Variants in PRELID2 observed in about 807,000 individuals in gnomAD.
The protein encoded by PRELID2 is PRELI domain containing 2.
A neutral mutation model predicts 28.4 loss-of-function variants in PRELID2; 25 were observed. The ratio of observed to expected loss-of-function variants is 0.88; its 90% confidence interval spans 0.64 to 1.23. The LOEUF is 1.23. Among genes scored for constraint, PRELID2 ranks in the 50% most tolerant of loss-of-function variants. The pLI, the probability that PRELID2 is intolerant of heterozygous loss-of-function variation, is 0.00. For missense variants in PRELID2, 201 were observed against 214.4 expected, an observed-to-expected ratio of 0.94 and a Z score of 0.39; for synonymous variants, 76 against 71.6, an observed-to-expected ratio of 1.06 and a Z score of -0.31.
At chr5:145,805,379 A>T (rs970362284) in intron 4 of PRELID2, among the ~76,000 whole-genome samples, 2 of 152,208 alleles carry the variant, frequency 1.3e-5, no homozygotes, top group African/African-American at 2.4e-5. Flanking sequence ...ATGAAGTTCC[A>T]AAAGGGCTGC....
At chr5:145,747,423 T>C (rs1757020898) in intron 1 of PRELID2, among the ~76,000 whole-genome samples, 1 of 152,128 alleles carries the variant, frequency 6.6e-6, no homozygotes, top group Non-Finnish European at 1.5e-5. Flanking sequence ...CTAGAAAATC[T>C]AGAAGATATG....
chr5:145,679,446 C>T (rs1395394208), intron 1 of PRELID2, among the ~76,000 whole-genome samples: 2 of 152,110 alleles, frequency 1.3e-5, no homozygotes, highest in Non-Finnish European at 2.9e-5. Flanking sequence ...ACACTCAATC[C>T]CAGCCAATTA....
chr5:145,447,516 A>C, the PRELID2 span, among the ~76,000 whole-genome samples: 1 of 133,516 alleles, frequency 7.5e-6, no homozygotes, highest in East Asian at 2.1e-4. Flanking sequence ...ACATGTGCAT[A>C]TTGTGCAGGT....
At chr5:145,739,371 G>C (rs992031819) in intron 1 of PRELID2, among the ~76,000 whole-genome samples, 1 of 152,050 alleles carries the variant, frequency 6.6e-6, no homozygotes, top group Non-Finnish European at 1.5e-5. Flanking sequence ...TGGGCATGGT[G>C]GTGGGCACCT....
intron 1 of PRELID2, among the ~76,000 whole-genome samples, chr5:145,612,861 G>A (rs1330204262): frequency 1.3e-5 from 2 of 152,142 alleles, no homozygotes; most frequent in African/African-American, 2.4e-5. Flanking sequence ...CTTGTTGATT[G>A]GTGGACATTT....
At chr5:145,792,262 T>G (rs995157522) in intron 5 of PRELID2, among the ~76,000 whole-genome samples, 8 of 152,182 alleles carry the variant, frequency 5.3e-5, no homozygotes, top group African/African-American at 1.9e-4. Flanking sequence ...TCTGTGACCT[T>G]GAGAAAACTA....
At chr5:145,815,269 T>C (rs1285126139) in intron 4 of PRELID2, among the ~76,000 whole-genome samples, 1 of 152,178 alleles carries the variant, frequency 6.6e-6, no homozygotes, top group Non-Finnish European at 1.5e-5. Context: ...TTTCCCAGCC[T>C]CCAGGTCTGT....
intron 1 of PRELID2, among the ~76,000 whole-genome samples, chr5:145,491,598 C>A (rs1385722013): frequency 6.6e-6 from 1 of 151,334 alleles, no homozygotes; most frequent in Non-Finnish European, 1.5e-5. Flanking sequence ...ATAATATATA[C>A]AATATATTAT....
chr5:145,822,406 T>G (rs1390792712), intron 2 of PRELID2, among the ~76,000 whole-genome samples: 1 of 152,234 alleles, frequency 6.6e-6, no homozygotes, highest in Non-Finnish European at 1.5e-5. Context: ...ACTCTGCTGT[T>G]GTAGTGAGGA....
At chr5:145,348,716 A>C in the PRELID2 span, among the ~76,000 whole-genome samples, 2 of 151,812 alleles carry the variant, frequency 1.3e-5, no homozygotes, top group African/African-American at 4.8e-5. Flanking sequence ...AATTGTGTAG[A>C]GACATTTAGA....
chr5:145,473,997 A>C lies in PRELID2; in HGVS notation n.71-682T>G, dbSNP rs374696088. Among the ~76,000 whole-genome samples the C allele has an allele frequency of 2.7e-4, 41 of 152,342 alleles. No individual in the cohort carries two copies. In the South Asian group the frequency reaches 7.7e-3, roughly 28 times the overall value. On this transcript the variant is annotated intron_variant and non_coding_transcript_variant, in intron 1 of 2. Coordinates refer to the PRELID2 transcript ENST00000510259. ...TCTGTGGAAGCCGCCTTAGTTAGTA[A>C]CAGATGCAAGAACAGTGAAGAAAAG...
the PRELID2 span, among the ~76,000 whole-genome samples, chr5:145,240,401 T>C: frequency 5.3e-5 from 8 of 151,914 alleles, no homozygotes; most frequent in Non-Finnish European, 1.2e-4. Context: ...TATACACTTT[T>C]TAAACAAAAA....
At chr5:145,340,166 A>G in the PRELID2 span, among the ~76,000 whole-genome samples, 34 of 152,182 alleles carry the variant, frequency 2.2e-4, no homozygotes, top group Non-Finnish European at 4.7e-4. Context: ...CATCCAACCC[A>G]TGAGCCTAAA....
At chr5:145,720,203 A>G (rs560816774) in intron 1 of PRELID2, among the ~76,000 whole-genome samples, 2 of 151,998 alleles carry the variant, frequency 1.3e-5, no homozygotes, top group East Asian at 1.9e-4. Flanking sequence ...ATTTCAGAAA[A>G]TGTTCAGGAA....
chr5:145,393,315 G>T, the PRELID2 span, among the ~76,000 whole-genome samples: 1 of 151,322 alleles, frequency 6.6e-6, no homozygotes. Flanking sequence ...ATATAACTTG[G>T]CGGGGTCCAC....
chr5:145,441,128 A>C, the PRELID2 span: 1 of 152,244 alleles, frequency 6.6e-6, no homozygotes, highest in South Asian at 2.1e-4. Flanking sequence ...GAGGGAACCC[A>C]ATCTGAACAT....
At chr5:145,512,658 A>G (rs996940929) in intron 1 of PRELID2, among the ~76,000 whole-genome samples, 5 of 152,202 alleles carry the variant, frequency 3.3e-5, no homozygotes, top group African/African-American at 1.2e-4. Flanking sequence ...TGCCTCCTCA[A>G]GTGGGTCCCT....
intron 1 of PRELID2, among the ~76,000 whole-genome samples, chr5:145,548,589 G>C (rs998980730): frequency 1.3e-5 from 2 of 151,954 alleles, no homozygotes; most frequent in African/African-American, 4.8e-5. Flanking sequence ...CAGAGATCTG[G>C]GCATCATTTC....
At chr5:145,443,595 T>C in the PRELID2 span, among the ~76,000 whole-genome samples, 3 of 152,060 alleles carry the variant, frequency 2.0e-5, no homozygotes, top group Non-Finnish European at 4.4e-5. Context: ...GCAGTAGAAA[T>C]AACATTGGGC....
Sources: gnomAD v4.1 joint callset for allele counts (sites outside exome capture counted in the v4.1 genomes callset) on GRCh38, gnomAD v4.1.1 for gene constraint, MANE v1.5 for transcripts, NCBI Gene and HGNC (gene_info 2026-07-23, HGNC 2026-07-21) for gene names.